Variants in DAB1 observed in about 807,000 individuals in gnomAD.
The protein encoded by DAB1 is disabled homolog 1.
DAB1 carries 15 observed loss-of-function variants against 64.6 expected under a neutral mutation model. That is an observed-to-expected ratio of 0.23 (90% confidence interval 0.16 to 0.36). The LOEUF (loss-of-function observed/expected upper bound fraction) is 0.36, where lower values mean the gene tolerates loss of function less well. Ranked by LOEUF, DAB1 falls within the 10% of genes least tolerant of loss-of-function variation. The pLI, the probability that DAB1 is intolerant of heterozygous loss-of-function variation, is 1.00. For missense variants in DAB1, 596 were observed against 706.7 expected, an observed-to-expected ratio of 0.84 and a Z score of 1.78; for synonymous variants, 235 against 251.9, an observed-to-expected ratio of 0.93 and a Z score of 0.64.
At chr1:57,417,118 G>A (rs1369598766) in intron 1 of DAB1, among the ~76,000 whole-genome samples, 2 of 152,170 alleles carry the variant, frequency 1.3e-5, no homozygotes, top group African/African-American at 4.8e-5. Context: ...TCTGCCAAGA[G>A]AAGGGGACGT....
intron 7 of DAB1, among the ~76,000 whole-genome samples, chr1:57,630,446 A>G (rs917420421): frequency 6.6e-6 from 1 of 152,216 alleles, no homozygotes; most frequent in African/African-American, 2.4e-5. Flanking sequence ...TATTTCTGCG[A>G]GAAAAAAATG....
At chr1:58,400,679 A>T (rs1347510422) in intron 3 of DAB1, among the ~76,000 whole-genome samples, 2 of 152,232 alleles carry the variant, frequency 1.3e-5, no homozygotes, top group African/African-American at 2.4e-5. Context: ...GTTACACAAA[A>T]AAATGATCAG....
intron 4 of DAB1, among the ~76,000 whole-genome samples, chr1:58,201,024 T>G (rs1657968152): frequency 6.8e-6 from 1 of 147,736 alleles, no homozygotes; most frequent in Admixed American, 6.7e-5. Flanking sequence ...TTTGTTTTGT[T>G]TTTTTTTTTT....
chr1:57,028,646 G>T (rs1341877512), intron 9 of DAB1, among the ~76,000 whole-genome samples: 1 of 152,124 alleles, frequency 6.6e-6, no homozygotes, highest in Non-Finnish European at 1.5e-5. Context: ...TAAAATTCAG[G>T]CTGAGGTGGT....
At chr1:57,882,549 A>G (rs1182213369) in intron 1 of DAB1, among the ~76,000 whole-genome samples, 1 of 152,210 alleles carries the variant, frequency 6.6e-6, no homozygotes, top group Non-Finnish European at 1.5e-5. Flanking sequence ...GCTTTTGTAC[A>G]TAATAGGTGC....
intron 5 of DAB1, among the ~76,000 whole-genome samples, chr1:57,936,689 T>C (rs1248263190): frequency 6.6e-6 from 1 of 151,708 alleles, no homozygotes; most frequent in Non-Finnish European, 1.5e-5. Flanking sequence ...GTTATTTTTA[T>C]TTATTTATTT....
intron 2 of DAB1, among the ~76,000 whole-genome samples, chr1:57,169,048 C>G (rs953957749): frequency 2.6e-5 from 4 of 151,718 alleles, no homozygotes; most frequent in African/African-American, 7.3e-5. Flanking sequence ...AGAGTGGGAC[C>G]CTGCCTCAAA....
At chr1:57,535,883 TC>T (rs1490677471) in intron 7 of DAB1, among the ~76,000 whole-genome samples, 7 of 152,126 alleles carry the variant, frequency 4.6e-5, no homozygotes, top group Non-Finnish European at 1.0e-4. Flanking sequence ...TATGATGAAA[TC>T]CAAAAGATAA....
intron 1 of DAB1, among the ~76,000 whole-genome samples, chr1:57,406,901 T>A (rs1286414984): frequency 2.0e-5 from 3 of 152,160 alleles, no homozygotes; most frequent in Non-Finnish European, 4.4e-5. Context: ...CAGCAAATGG[T>A]AATGTAACCA....
chr1:57,375,168 C>A (rs1205386623), intron 1 of DAB1, among the ~76,000 whole-genome samples: 1 of 152,216 alleles, frequency 6.6e-6, no homozygotes, highest in Non-Finnish European at 1.5e-5. Context: ...AAGCCCTCCA[C>A]AGGAGCAGGT....
chr1:57,414,879 A>G (rs1417219409), intron 1 of DAB1, among the ~76,000 whole-genome samples: 1 of 152,242 alleles, frequency 6.6e-6, no homozygotes, highest in African/African-American at 2.4e-5. Context: ...GGAAAGAGTT[A>G]CTACATTTAC....
intron 4 of DAB1, among the ~76,000 whole-genome samples, chr1:58,278,030 G>A (rs1437310698): frequency 6.6e-6 from 1 of 152,130 alleles, no homozygotes; most frequent in African/African-American, 2.4e-5. Context: ...TTCATCCTTT[G>A]CTGAACTCCT....
At chr1:57,924,626 A>AATTTTTT (rs1553143934) in intron 5 of DAB1, among the ~76,000 whole-genome samples, 2 of 131,806 alleles carry the variant, frequency 1.5e-5, no homozygotes, top group Non-Finnish European at 3.2e-5. Flanking sequence ...CACTTGGCTA[A>AATTTTTT]TTTTTTTTTT....
Position 56,997,564 on chromosome 1 carries a change from A to G in DAB1, c.*580T>C, listed in dbSNP as rs191046376. 16 of 152,274 alleles carry G rather than the reference A, an allele frequency of 1.1e-4. No homozygotes were observed. The highest frequency in any genetic ancestry group is 3.4e-3 in the Middle Eastern group (1 of 294). 9.4% of individuals were successfully genotyped at this position (152,274 alleles called of 1,614,324 possible). ...GTACACCTATTAATTTTCAAACATG[A>G]CAAAAAAAGGAAAGGGGGGAAAATG... is the stretch of plus-strand genomic sequence containing the variant. On this transcript the variant is annotated 3_prime_UTR_variant, in exon 15 of 15. Coordinates refer to ENST00000371236, the MANE Select transcript of DAB1 (RefSeq NM_001365792.1).
intron 4 of DAB1, among the ~76,000 whole-genome samples, chr1:58,255,302 C>T (rs1243520106): frequency 1.3e-5 from 2 of 151,974 alleles, no homozygotes; most frequent in South Asian, 2.1e-4. Context: ...TGGATATTAG[C>T]CCGGCAAAGG....
chr1:58,256,680 A>G (rs1402734490), intron 4 of DAB1, among the ~76,000 whole-genome samples: 2 of 152,216 alleles, frequency 1.3e-5, no homozygotes, highest in Non-Finnish European at 2.9e-5. Flanking sequence ...AATCCCCACT[A>G]GTCTGTGAGA....
intron 4 of DAB1, among the ~76,000 whole-genome samples, chr1:58,213,054 G>GT (rs1449549046): frequency 6.6e-6 from 1 of 152,170 alleles, no homozygotes; most frequent in African/African-American, 2.4e-5. Flanking sequence ...CTGCAGCTGT[G>GT]TTTTTCAGAT....
At position 57,442,494 on chromosome 1, in the gene DAB1, T is replaced by C. The variant is rs937741902; in HGVS notation, n.626-151328A>G. On this transcript the variant is annotated intron_variant and non_coding_transcript_variant, in intron 7 of 20. Coordinates refer to the DAB1 transcript ENST00000485760. Reference sequence around the variant, plus strand: ...TGACCTTGGCCATGCCAGATAAGCATTAAGACATTGGTACTTATTGTATTT... The same window carrying C: ...TGACCTTGGCCATGCCAGATAAGCACTAAGACATTGGTACTTATTGTATTT... Among the ~76,000 whole-genome samples, 5 of 152,232 alleles carry C rather than the reference T, an allele frequency of 3.3e-5. No individual in the cohort carries two copies. The South Asian group carries it at 6.2e-4, about 19-fold the overall frequency.
chr1:57,280,069 G>A (rs1671770594), intron 2 of DAB1, among the ~76,000 whole-genome samples: 1 of 152,136 alleles, frequency 6.6e-6, no homozygotes, highest in Admixed American at 6.5e-5. Flanking sequence ...ACAGGCTCTG[G>A]GGTTAGAAAG....
Sources: allele counts gnomAD v4.1 joint callset (sites outside exome capture counted in the v4.1 genomes callset), GRCh38; gene constraint gnomAD v4.1.1; transcripts MANE v1.5; gene names NCBI Gene and HGNC (gene_info 2026-07-23, HGNC 2026-07-21).